NOL4: variants seen among roughly 807,000 people sequenced by gnomAD.
The protein encoded by NOL4 is nucleolar protein 4, also known as cancer/testis antigen 125.
NOL4 carries 17 observed loss-of-function variants against 75.9 expected under a neutral mutation model. The observed-to-expected ratio is 0.22, with a 90% CI of 0.15 to 0.34. The LOEUF (loss-of-function observed/expected upper bound fraction) is 0.34, where lower values mean the gene tolerates loss of function less well. NOL4 is among the 10% of genes least tolerant of loss of function. The pLI is 1.00. For missense variants in NOL4, 614 were observed against 793.5 expected (o/e 0.77, Z 2.72); for synonymous variants, 292 against 289.9 (o/e 1.01, Z -0.07).
chr18:33,882,033 A>G (rs2064316018), intron 10 of NOL4, among the ~76,000 whole-genome samples: 1 of 152,214 alleles, frequency 6.6e-6, no homozygotes, highest in Non-Finnish European at 1.5e-5. Context: ...TCTCTTCCTT[A>G]CACCTTACAC....
chr18:33,905,447 C>T (rs2065980462), intron 9 of NOL4, among the ~76,000 whole-genome samples: 1 of 152,102 alleles, frequency 6.6e-6, no homozygotes, highest in East Asian at 1.9e-4. Context: ...AAACAGTGGG[C>T]ATATGAGCTC....
intron 1 of NOL4, among the ~76,000 whole-genome samples, chr18:34,210,041 T>C (rs1389824510): frequency 1.3e-5 from 2 of 152,208 alleles, no homozygotes; most frequent in Admixed American, 6.5e-5. Context: ...AAAAAGCTCT[T>C]GTTATCAATT....
intron 5 of NOL4, among the ~76,000 whole-genome samples, chr18:34,047,669 T>C (rs2076442685): frequency 6.6e-6 from 1 of 152,142 alleles, no homozygotes; most frequent in African/African-American, 2.4e-5. Flanking sequence ...TATCAAATAT[T>C]TAAAATTCAT....
At chr18:33,911,376 A>C (rs2066392529) in intron 9 of NOL4, among the ~76,000 whole-genome samples, 1 of 152,050 alleles carries the variant, frequency 6.6e-6, no homozygotes, top group African/African-American at 2.4e-5. Context: ...CTCATTAGCC[A>C]GATGCTCACC....
In NOL4 at chr18:34,223,329, C is replaced by T. The variant is rs2037451884; in HGVS notation, c.-76G>A. 1.3e-6 allele frequency: 2 copies of T among 1,544,716 alleles called. No homozygotes were observed. Among genetic ancestry groups the T allele is most frequent in the African/African-American group, 1.4e-5 (1 of 73,380 alleles). The stretch of plus-strand genomic sequence containing the variant: ...GTTCACCCTAGGCTCATGAAAAATG[C>T]AGCCCCGGCCACGTTGCAGGGATGC... On this transcript the variant is annotated 5_prime_UTR_variant, in exon 1 of 11. Transcript: ENST00000261592.
chr18:33,942,473 C>T (rs1015709819), intron 9 of NOL4, among the ~76,000 whole-genome samples: 2 of 151,758 alleles, frequency 1.3e-5, no homozygotes, highest in Non-Finnish European at 2.9e-5. Flanking sequence ...GAAACATCGC[C>T]AATACACAGA....
chr18:34,111,738 T>C (rs1278978114), intron 2 of NOL4, among the ~76,000 whole-genome samples: 1 of 152,026 alleles, frequency 6.6e-6, no homozygotes, highest in South Asian at 2.1e-4. Context: ...TGAAAAAATG[T>C]CGAACATCAC....
intron 1 of NOL4, among the ~76,000 whole-genome samples, chr18:34,200,332 C>T (rs191954597): frequency 2.8e-4 from 43 of 151,708 alleles, no homozygotes; most frequent in Non-Finnish European, 5.3e-4. Context: ...GTCTCAGTAC[C>T]GGTGCCAGAT....
chr18:33,857,920 C>T (rs1196115900), intron 10 of NOL4, among the ~76,000 whole-genome samples: 1 of 152,030 alleles, frequency 6.6e-6, no homozygotes, highest in African/African-American at 2.4e-5. Flanking sequence ...AGTTTTTTTG[C>T]AACTTTGAAA....
chr18:33,879,872 G>T (rs1366593540), intron 10 of NOL4, among the ~76,000 whole-genome samples: 2 of 151,808 alleles, frequency 1.3e-5, no homozygotes, highest in African/African-American at 4.8e-5. Context: ...CTTTGAAATA[G>T]GTTCCTAAGA....
At chr18:34,182,832 G>C (rs535528804) in intron 1 of NOL4, among the ~76,000 whole-genome samples, 1 of 151,494 alleles carries the variant, frequency 6.6e-6, no homozygotes, top group Non-Finnish European at 1.5e-5. Context: ...AATTAAAATG[G>C]CCAATAGAAA....
At chr18:34,191,571 A>G (rs895407445) in intron 1 of NOL4, among the ~76,000 whole-genome samples, 31 of 152,124 alleles carry the variant, frequency 2.0e-4, no homozygotes, top group African/African-American at 6.5e-4. Context: ...GTTGTTTGCA[A>G]TATGACTTCA....
intron 5 of NOL4, among the ~76,000 whole-genome samples, chr18:34,057,110 G>C (rs2076864226): frequency 6.6e-6 from 1 of 152,110 alleles, no homozygotes; most frequent in Admixed American, 6.6e-5. Flanking sequence ...CTTAGAAACA[G>C]GGCAATTCTA....
At chr18:33,916,580 TAAAA>T (rs1417196654) in intron 9 of NOL4, among the ~76,000 whole-genome samples, 3 of 152,102 alleles carry the variant, frequency 2.0e-5, no homozygotes, top group Non-Finnish European at 4.4e-5. Flanking sequence ...ATGGCAAAAA[TAAAA>T]AGAGAAGTCT....
At chr18:33,989,188 TACAAAAAAAAA>T (rs2072722338) in intron 6 of NOL4, among the ~76,000 whole-genome samples, 1 of 29,794 alleles carries the variant, frequency 3.4e-5, no homozygotes, top group Non-Finnish European at 5.5e-5. Flanking sequence ...ACCCCATCTC[TACAAAAAAAAA>T]AAAAAAAAAA....
intron 6 of NOL4, among the ~76,000 whole-genome samples, chr18:34,002,938 G>A (rs766302669): frequency 6.6e-6 from 1 of 152,056 alleles, no homozygotes; most frequent in Non-Finnish European, 1.5e-5. Flanking sequence ...GGATCATGAT[G>A]TAGGCATTCT....
intron 1 of NOL4, among the ~76,000 whole-genome samples, chr18:34,145,214 G>A (rs998314635): frequency 2.0e-5 from 3 of 152,044 alleles, no homozygotes; most frequent in African/African-American, 7.2e-5. Flanking sequence ...TATGGAAATT[G>A]TAATAGAGAA....
chr18:33,893,148 T>C (rs1412535764), intron 9 of NOL4, among the ~76,000 whole-genome samples: 1 of 152,110 alleles, frequency 6.6e-6, no homozygotes, highest in African/African-American at 2.4e-5. Context: ...CTGACTTACA[T>C]AACAAGGCTC....
At chr18:34,137,426 C>T (rs1366713731) in intron 1 of NOL4, among the ~76,000 whole-genome samples, 2 of 151,940 alleles carry the variant, frequency 1.3e-5, no homozygotes, top group African/African-American at 4.8e-5. Context: ...TATGAAAACA[C>T]AACTCAGTAA....
Sources: gnomAD v4.1 joint callset for allele counts (sites outside exome capture counted in the v4.1 genomes callset) on GRCh38, gnomAD v4.1.1 for gene constraint, MANE v1.5 for transcripts, NCBI Gene and HGNC (gene_info 2026-07-23, HGNC 2026-07-21) for gene names.